DOCK2: variants seen among roughly 807,000 people sequenced by gnomAD.
The protein encoded by DOCK2 is dedicator of cytokinesis protein 2.
A neutral mutation model predicts 248.9 loss-of-function variants in DOCK2; 87 were observed. That is an observed-to-expected ratio of 0.35 (90% CI 0.29 to 0.42). The LOEUF (loss-of-function observed/expected upper bound fraction) is 0.42, where lower values mean the gene tolerates loss of function less well. Among genes scored for constraint, DOCK2 ranks in the 10% least tolerant of loss-of-function variants. The pLI is 1.00. For synonymous variants in DOCK2, 805 were observed against 821.6 expected (o/e 0.98, Z 0.35); for missense variants, 1,747 against 2,300.2 (o/e 0.76, Z 4.92).
chr5:170,063,750 T>C (rs1318629431), intron 44 of DOCK2, among the ~76,000 whole-genome samples: 1 of 152,212 alleles, frequency 6.6e-6, no homozygotes, highest in Non-Finnish European at 1.5e-5. Context: ...GGACTTTGTC[T>C]TCCTGAGTGG....
At chr5:169,817,089 T>C (rs1023064796) in intron 26 of DOCK2, among the ~76,000 whole-genome samples, 1 of 152,212 alleles carries the variant, frequency 6.6e-6, no homozygotes, top group Admixed American at 6.5e-5. Flanking sequence ...ACATCTGAAT[T>C]GTGACCTCTG....
chr5:169,682,511 C>T (rs1759722066), intron 7 of DOCK2, among the ~76,000 whole-genome samples: 1 of 152,074 alleles, frequency 6.6e-6, no homozygotes, highest in Non-Finnish European at 1.5e-5. Context: ...TCTCAAAGGG[C>T]CTGAGGGGTT....
At chr5:169,945,314 C>T (rs1776402310) in intron 27 of DOCK2, among the ~76,000 whole-genome samples, 1 of 152,216 alleles carries the variant, frequency 6.6e-6, no homozygotes, top group Non-Finnish European at 1.5e-5. Flanking sequence ...TAGTTCTCTT[C>T]TCTCCTCTAG....
chr5:170,079,266 G>A, intron 49 of DOCK2, 120 bp downstream of exon 49: 1 of 1,354,612 alleles, frequency 7.4e-7, no homozygotes, highest in Non-Finnish European at 1.0e-6. Context: ...CGGTGCTATG[G>A]GTATTGCAGA....
In DOCK2 at chr5:169,644,614, C is replaced by T. The variant is rs79659304; in HGVS notation, c.43+7245C>T. On this transcript the variant is annotated intron_variant, in intron 1 of 51. Transcript: ENST00000520908. Reference sequence around the variant, plus strand: ...TGCCATTGCCTTACCTTTTGTACCACGGTACTTTTTTTTTTTTTTTTAATT... The same window carrying T: ...TGCCATTGCCTTACCTTTTGTACCATGGTACTTTTTTTTTTTTTTTTAATT... Among the ~76,000 whole-genome samples, 1,313 of 150,896 alleles carry T rather than the reference C, an allele frequency of 8.7e-3. 27 individuals carry two copies. Among genetic ancestry groups the T allele is most frequent in the African/African-American group, 0.03 (1,237 of 41,050 alleles).
At chr5:170,019,765 C>T (rs938431583) in intron 33 of DOCK2, among the ~76,000 whole-genome samples, 3 of 152,156 alleles carry the variant, frequency 2.0e-5, no homozygotes, top group African/African-American at 7.2e-5. Flanking sequence ...GCACCAGTTG[C>T]CACAATTGGC....
At chr5:169,748,134 A>G (rs1051902114) in intron 23 of DOCK2, among the ~76,000 whole-genome samples, 1 of 150,770 alleles carries the variant, frequency 6.6e-6, no homozygotes, top group Non-Finnish European at 1.5e-5. Flanking sequence ...AAACACATTT[A>G]TCTAAATCAA....
chr5:169,716,714 C>G (rs553698127), intron 20 of DOCK2, among the ~76,000 whole-genome samples: 5 of 152,290 alleles, frequency 3.3e-5, no homozygotes, highest in African/African-American at 1.2e-4. Flanking sequence ...TTACATTTCT[C>G]CTACCCACCC....
At chr5:169,868,081 C>G (rs537656805) in intron 27 of DOCK2, among the ~76,000 whole-genome samples, 1 of 152,112 alleles carries the variant, frequency 6.6e-6, no homozygotes, top group Admixed American at 6.5e-5. Context: ...AGAGTGGGTA[C>G]CCCCTCTAAG....
rs112062072 is a variant in DOCK2 at position 169,803,141 on chromosome 5, C to A, written c.2638C>A (p.Leu880Met). ...EQKDDMQHQVLERKYCVELLN... is the reference protein window; with the variant it reads ...EQKDDMQHQVMERKYCVELLN... ...GAAGGATGACATGCAACACCAGGTC[C>A]TGGAGAGGAAGTACTGCGTTGAATT... is the stretch of plus-strand genomic sequence containing the variant. The change falls in exon 26 of 52, where the codon CTG (leucine) becomes ATG (methionine). Residue 880 changes from leucine to methionine, a missense_variant. By Grantham distance (15) the Leu-to-Met change is conservative. Coordinates refer to ENST00000520908, the MANE Select transcript of DOCK2 (RefSeq NM_004946.3). The A allele has an allele frequency of 1.2e-3, 1,878 of 1,614,154 alleles. 1 individual carries two copies. The highest frequency in any genetic ancestry group is 1.5e-3 in the Non-Finnish European group (1,752 of 1,180,016).
At chr5:170,047,457 A>C (rs376658726) in intron 39 of DOCK2, 53 bp from the exon 40 acceptor site, 27 of 1,537,266 alleles carry the variant, frequency 1.8e-5, no homozygotes, top group African/African-American at 1.6e-4. Context: ...TTTGAGTTGA[A>C]TGTGCCTTTG....
At chr5:169,806,172 G>A (rs1019138168) in intron 26 of DOCK2, among the ~76,000 whole-genome samples, 1 of 151,238 alleles carries the variant, frequency 6.6e-6, no homozygotes, top group Admixed American at 6.6e-5. Flanking sequence ...AATATATAGC[G>A]GCTCTCAACA....
chr5:169,700,540 T>A (rs193031901), intron 13 of DOCK2, among the ~76,000 whole-genome samples: 2 of 152,100 alleles, frequency 1.3e-5, no homozygotes, highest in Non-Finnish European at 2.9e-5. Flanking sequence ...CTTTTTTTTT[T>A]TATATTACCA....
At chr5:169,925,054 C>CT (rs1189887274) in intron 27 of DOCK2, among the ~76,000 whole-genome samples, 1 of 152,016 alleles carries the variant, frequency 6.6e-6, no homozygotes, top group Non-Finnish European at 1.5e-5. Context: ...TCCCTTTTTC[C>CT]TTTTTAATTT....
chr5:169,782,233 C>T (rs1034779187), intron 25 of DOCK2, among the ~76,000 whole-genome samples: 2 of 152,116 alleles, frequency 1.3e-5, no homozygotes, highest in African/African-American at 2.4e-5. Context: ...GAATAATTCC[C>T]TGAGCATAAG....
chr5:169,759,816 G>C (rs1460736657), intron 24 of DOCK2, 41 bp downstream of exon 24: 2 of 1,612,016 alleles, frequency 1.2e-6, no homozygotes, highest in Non-Finnish European at 1.7e-6. Flanking sequence ...CTGCTGGCAA[G>C]CTAGGGATTC....
intron 26 of DOCK2, among the ~76,000 whole-genome samples, chr5:169,813,065 G>A (rs1353464618): frequency 6.6e-6 from 1 of 152,202 alleles, no homozygotes; most frequent in Non-Finnish European, 1.5e-5. Flanking sequence ...TCCTTTCAGG[G>A]GCTCCTGCGG....
At chr5:169,904,932 C>T (rs928937555) in intron 27 of DOCK2, among the ~76,000 whole-genome samples, 1 of 152,092 alleles carries the variant, frequency 6.6e-6, no homozygotes, top group Admixed American at 6.5e-5. Flanking sequence ...CCGAGAGACC[C>T]GGGTTTGAAT....
intron 10 of DOCK2, among the ~76,000 whole-genome samples, chr5:169,698,087 G>A (rs558466085): frequency 2.6e-5 from 4 of 152,336 alleles, no homozygotes; most frequent in African/African-American, 9.6e-5. Flanking sequence ...CACAGCCACG[G>A]CTCTGACCCT....
Sources: gnomAD v4.1 joint callset for allele counts (sites outside exome capture counted in the v4.1 genomes callset) on GRCh38, gnomAD v4.1.1 for gene constraint, MANE v1.5 for transcripts, NCBI Gene and HGNC (gene_info 2026-07-23, HGNC 2026-07-21) for gene names.